Variants in ABRAXAS2 observed in about 807,000 individuals in gnomAD.
ABRAXAS2 encodes the protein abraxas 2, BRISC complex subunit, also known as BRISC complex subunit Abraxas 2.
A neutral mutation model predicts 49.0 loss-of-function variants in ABRAXAS2; 23 were observed. The ratio of observed to expected loss-of-function variants is 0.47; its 90% CI spans 0.34 to 0.66. The LOEUF (loss-of-function observed/expected upper bound fraction) is 0.66. Ranked by LOEUF, ABRAXAS2 falls within the 30% of genes least tolerant of loss-of-function variation. ABRAXAS2 has a pLI of 0.01. For synonymous variants in ABRAXAS2, 168 were observed against 180.2 expected, an observed-to-expected ratio of 0.93 and a Z score of 0.54; for missense variants, 443 against 511.9, an observed-to-expected ratio of 0.87 and a Z score of 1.30.
intron 8 of ABRAXAS2, among the ~76,000 whole-genome samples, chr10:124,833,078 A>G (rs137989365): frequency 0.057 from 8,159 of 143,434 alleles, 748 homozygotes; most frequent in African/African-American, 0.2. Flanking sequence ...CCCAGGAGGC[A>G]GAGGTTGCAG....
At chr10:124,824,283 G>GC (rs558385322) in intron 4 of ABRAXAS2, among the ~76,000 whole-genome samples, 86 of 152,180 alleles carry the variant, frequency 5.7e-4, no homozygotes, top group African/African-American at 2.0e-3. Flanking sequence ...CGCCTGTAAT[G>GC]CCAGCACTTT....
rs762415831 is a variant in ABRAXAS2 at position 124,831,400 on chromosome 10, G to A, written c.715G>A (p.Ala239Thr). ...KSERVVESCQ[A>T]EVNKLRRQIT... is the part of the protein sequence containing the mutation. ...TGAGCGAGTTGTTGAATCTTGTCAG[G>A]CAGAAGTGAACAAATTAAGAAGACA... Residue 239 changes from alanine (A) to threonine (T), a missense_variant, in exon 8 of 9, where the codon GCA (alanine) becomes ACA (threonine). Coordinates refer to ENST00000298492, the MANE Select transcript of ABRAXAS2 (RefSeq NM_032182.4). 27 of 1,613,082 alleles carry A rather than the reference G, an allele frequency of 1.7e-5. No homozygotes were observed. In the Admixed American group the frequency reaches 4.5e-4, roughly 27 times the overall value.
At chr10:124,828,475 C>T (rs1950910647) in intron 5 of ABRAXAS2, among the ~76,000 whole-genome samples, 3 of 152,172 alleles carry the variant, frequency 2.0e-5, no homozygotes, top group Admixed American at 2.0e-4. Context: ...AGTGATTCTC[C>T]TGCCTCAGCC....
At chr10:124,811,670 G>A (rs906909509) in intron 2 of ABRAXAS2, among the ~76,000 whole-genome samples, 2 of 151,730 alleles carry the variant, frequency 1.3e-5, no homozygotes, top group African/African-American at 2.4e-5. Flanking sequence ...CCTGGGAGGC[G>A]GAGCTTGCAG....
intron 4 of ABRAXAS2, among the ~76,000 whole-genome samples, chr10:124,824,958 A>G (rs1295223584): frequency 6.6e-6 from 1 of 152,210 alleles, no homozygotes; most frequent in Non-Finnish European, 1.5e-5. Context: ...ACAGGCAGGC[A>G]TCTTGATTCC....
chr10:124,816,069 A>C (rs1950823262), intron 2 of ABRAXAS2, among the ~76,000 whole-genome samples: 1 of 151,632 alleles, frequency 6.6e-6, no homozygotes, highest in Non-Finnish European at 1.5e-5. Flanking sequence ...CGCCCAGCTA[A>C]TTTTTGTATT....
chr10:124,812,152 C>T (rs561421390), intron 2 of ABRAXAS2, among the ~76,000 whole-genome samples: 1 of 152,312 alleles, frequency 6.6e-6, no homozygotes, highest in African/African-American at 2.4e-5. Context: ...GCAGTAAATA[C>T]CTGTTTTCAT....
Position 124,829,437 on chromosome 10 carries a change from C to T in ABRAXAS2, c.623C>T (p.Ala208Val), listed in dbSNP as rs762495232. 1.8e-5 allele frequency: 29 copies of T among 1,610,332 alleles called. No homozygotes were observed. The highest frequency in any genetic ancestry group is 9.9e-5 in the South Asian group (9 of 90,552). ...DKDGVMKDIR[A>V]IYQVYNALQE... The stretch of plus-strand genomic sequence containing the variant: ...GATGGAGTGATGAAAGACATCAGGG[C>T]GATTTATCAGGTTTATAATGCACTT... The change falls in exon 7 of 9, where the codon GCG (alanine) becomes GTG (valine). Residue 208 changes from alanine to valine, a missense_variant. Physicochemically the swap from Ala to Val is moderately conservative, Grantham distance 64. Around this residue, in one of 3 missense-constraint regions of ABRAXAS2, gnomAD observed 166 missense variants for 247.3 expected, o/e 0.67. Transcript: ENST00000298492.
Position 124,819,439 on chromosome 10 carries a change from G to C in ABRAXAS2, c.256G>C (p.Asp86His), listed in dbSNP as rs1950846950. ...GGAGAGTTTGGACAGGATTCTTAAA[G>C]ATCGGAGAAAGGTATGTTCTGTTTG... Reference protein sequence around the residue: ...NEESLDRILKDRRKKVIGWYR... With the variant: ...NEESLDRILKHRRKKVIGWYR... The change falls in exon 4 of 9, where the codon GAT becomes CAT. Residue 86 changes from aspartate to histidine, a missense_variant. Physicochemically the swap from Asp to His is moderately conservative, Grantham distance 81. Coordinates refer to ENST00000298492, the MANE Select transcript of ABRAXAS2 (RefSeq NM_032182.4). 6.2e-7 allele frequency: 1 copy of C among 1,614,012 alleles called. No homozygotes were observed. Among genetic ancestry groups the C allele is most frequent in the Non-Finnish European group, 8.5e-7 (1 of 1,179,940 alleles).
chr10:124,825,317 C>CAAAAAAAAAA (rs34358193), intron 4 of ABRAXAS2, among the ~76,000 whole-genome samples: 1 of 103,968 alleles, frequency 9.6e-6, no homozygotes, highest in Non-Finnish European at 1.8e-5. Flanking sequence ...GACTCTGTCT[C>CAAAAAAAAAA]AAAAAAAAAA....
chr10:124,821,521 G>A (rs577095612), intron 4 of ABRAXAS2, among the ~76,000 whole-genome samples: 57 of 151,580 alleles, frequency 3.8e-4, no homozygotes, highest in Non-Finnish European at 7.4e-4. Context: ...AGCTGAGATT[G>A]CGCCACTGCA....
Position 124,835,118 on chromosome 10 carries a change from C to T in ABRAXAS2, c.*147C>T, listed in dbSNP as rs1223000199. ...TCCTTGTGCACAGAACTTGTGGGAG[C>T]CTCCATCCGCTGCTCTTTACCTTTG... On this transcript the variant is annotated 3_prime_UTR_variant, in exon 9 of 9. Transcript: ENST00000298492. 4 of 599,368 alleles carry T rather than the reference C, an allele frequency of 6.7e-6. No homozygotes were observed. The highest frequency in any genetic ancestry group is 8.7e-6 in the Non-Finnish European group (3 of 346,442). 37.1% of individuals were successfully genotyped at this position (599,368 alleles called of 1,614,324 possible).
intron 4 of ABRAXAS2, among the ~76,000 whole-genome samples, chr10:124,822,925 A>G (rs1028802749): frequency 6.6e-6 from 1 of 152,220 alleles, no homozygotes; most frequent in Non-Finnish European, 1.5e-5. Context: ...GTTGCTATCT[A>G]GAGTTGACTG....
chr10:124,830,637 C>T (rs1288330939), intron 7 of ABRAXAS2, among the ~76,000 whole-genome samples: 1 of 152,194 alleles, frequency 6.6e-6, no homozygotes, highest in African/African-American at 2.4e-5. Context: ...TATACAGACT[C>T]ACTGGTCACC....
At chr10:124,811,932 C>T (rs1950791931) in intron 2 of ABRAXAS2, among the ~76,000 whole-genome samples, 2 of 152,080 alleles carry the variant, frequency 1.3e-5, no homozygotes, top group South Asian at 2.1e-4. Context: ...CATGCACCAC[C>T]ATGACCCGCT....
At chr10:124,806,155 A>T (rs1021437638) in intron 1 of ABRAXAS2, among the ~76,000 whole-genome samples, 1 of 151,854 alleles carries the variant, frequency 6.6e-6, no homozygotes, top group Non-Finnish European at 1.5e-5. Context: ...AAAAAAAAAA[A>T]ATTAGCCAGG....
chr10:124,819,610 T>A (rs1387112211), intron 4 of ABRAXAS2, among the ~76,000 whole-genome samples, 160 bp downstream of exon 4: 2 of 151,868 alleles, frequency 1.3e-5, no homozygotes, highest in African/African-American at 2.4e-5. Context: ...TAGAAAAAAA[T>A]TTAGATATTT....
At chr10:124,821,451 A>G (rs2134166985) in intron 4 of ABRAXAS2, among the ~76,000 whole-genome samples, 1 of 152,166 alleles carries the variant, frequency 6.6e-6, no homozygotes, top group South Asian at 2.1e-4. Flanking sequence ...CTCTTGTCCC[A>G]GGTACTCAGG....
At chr10:124,831,831 C>CT in intron 8 of ABRAXAS2, among the ~76,000 whole-genome samples, 1 of 145,010 alleles carries the variant, frequency 6.9e-6, no homozygotes, top group Non-Finnish European at 1.5e-5. Flanking sequence ...CAGGTAGGCA[C>CT]TGTGTCCTGT....
Sources: allele counts gnomAD v4.1 joint callset (sites outside exome capture counted in the v4.1 genomes callset), GRCh38; gene constraint gnomAD v4.1.1; regional missense constraint gnomAD v4.1.1; transcripts MANE v1.5; gene names NCBI Gene and HGNC (gene_info 2026-07-23, HGNC 2026-07-21).